The following MARF1 variants were observed in gnomAD, a reference collection of about 807,000 sequenced individuals.
MARF1 encodes the protein limkain-b1.
MARF1 carries 24 observed loss-of-function variants against 168.2 expected under a neutral mutation model. That is an observed-to-expected ratio of 0.14 (90% confidence interval 0.10 to 0.20). The LOEUF (loss-of-function observed/expected upper bound fraction) is 0.20, where lower values mean the gene tolerates loss of function less well. Ranked by LOEUF, MARF1 falls within the 10% of genes least tolerant of loss-of-function variation. MARF1 has a pLI of 1.00. For synonymous variants in MARF1, 868 were observed against 822.4 expected (o/e 1.06, Z -0.95); for missense variants, 1,744 against 2,143.6 (o/e 0.81, Z 3.68).
intron 7 of MARF1, 97 bp downstream of exon 7, chr16:15,630,235 G>GCC (rs2151257387): frequency 9.0e-7 from 1 of 1,109,156 alleles, no homozygotes; most frequent in African/African-American, 1.6e-5. Flanking sequence ...ACAAAGAACA[G>GCC]CCCCATCTGG....
At chr16:15,641,475 C>A (rs2035954995) in intron 1 of MARF1, among the ~76,000 whole-genome samples, 1 of 152,200 alleles carries the variant, frequency 6.6e-6, no homozygotes, top group Admixed American at 6.5e-5. Context: ...AAGCCAAATC[C>A]TGAAAGTGAG....
chr16:15,640,293 GT>G (rs1378116498), intron 1 of MARF1, among the ~76,000 whole-genome samples: 1 of 152,168 alleles, frequency 6.6e-6, no homozygotes, highest in African/African-American at 2.4e-5. Context: ...CAATTTCTTA[GT>G]TTACTAATGA....
At chr16:15,611,373 G>C (rs551384533) in intron 18 of MARF1, among the ~76,000 whole-genome samples, 1 of 150,804 alleles carries the variant, frequency 6.6e-6, no homozygotes, top group African/African-American at 2.4e-5. Flanking sequence ...GCAGGACAAC[G>C]GCATAAACCC....
rs2035160080 is a variant in MARF1, at chr16:15,630,260, T to A, written c.1524+72A>T. 3 of 1,436,890 alleles carry A rather than the reference T, an allele frequency of 2.1e-6. No homozygotes were observed. In the African/African-American group the frequency reaches 4.2e-5, roughly 20 times the overall value. The allele number at this position is 1,436,890 out of a possible 1,614,324, so 89.0% of individuals were successfully genotyped here. ...GCCCCATCTGGGCCTGGCAACCCCC[T>A]TATTATGGGCTGTCTTTCAGCCTCC... On this transcript the variant is annotated intron_variant, in intron 7 of 26. Transcript: ENST00000396368.
rs991941796 is a variant in MARF1, at chr16:15,595,538, A to T, written c.*1155T>A. On this transcript the variant is annotated 3_prime_UTR_variant, in exon 27 of 27. Transcript: ENST00000396368. ...GTCAGCGGACACCTCAGGCACCTAG[A>T]GAGGAAGGCCATTCCACACCAGACG... 6.5e-6 allele frequency: 1 copy of T among 152,676 alleles called. No homozygotes were observed. The highest frequency in any genetic ancestry group is 2.4e-5 in the African/African-American group (1 of 41,450). The allele number at this position is 152,676 out of a possible 1,614,324, so 9.5% of individuals were successfully genotyped here. A position where few individuals can be genotyped will look rare whatever the true frequency, so the allele number is the denominator to read the frequency against.
chr16:15,621,686 T>C (rs771245862), intron 12 of MARF1, 47 bp downstream of exon 12: 5 of 1,555,608 alleles, frequency 3.2e-6, no homozygotes, highest in Middle Eastern at 1.7e-4. Context: ...AAATTGTTTC[T>C]GGGTCAAATG....
intron 6 of MARF1, 126 bp downstream of exon 6, chr16:15,631,255 C>A (rs1263834387): frequency 3.2e-6 from 2 of 618,178 alleles, no homozygotes; most frequent in East Asian, 5.6e-5. Context: ...TCAACAATAA[C>A]CATAAACATG....
chr16:15,611,530 T>C, intron 18 of MARF1, 62 bp downstream of exon 18: 4 of 1,466,032 alleles, frequency 2.7e-6, no homozygotes, highest in Non-Finnish European at 2.8e-6. Context: ...TATTTAGAGT[T>C]TGGCAGAAGA....
chr16:15,640,393 C>T (rs1185564209), intron 1 of MARF1, among the ~76,000 whole-genome samples: 2 of 152,208 alleles, frequency 1.3e-5, no homozygotes, highest in African/African-American at 4.8e-5. Flanking sequence ...AGAGCAACAA[C>T]ACTCTTACAG....
In MARF1 at chr16:15,600,412, G is replaced by C; in HGVS notation, c.4813+16C>G. 1.2e-6 allele frequency: 2 copies of C among 1,614,048 alleles called. No homozygotes were observed. The highest frequency in any genetic ancestry group is 4.5e-5 in the East Asian group (2 of 44,878). On this transcript the variant is annotated intron_variant, in intron 25 of 26. Coordinates refer to ENST00000396368, the MANE Select transcript of MARF1 (RefSeq NM_014647.4). Reference sequence around the variant, plus strand: ...GAATTTCACAAGCTCCTATGTCTCTGCTTTTCCTCTCTTACCACTGCCGTC... The same window carrying C: ...GAATTTCACAAGCTCCTATGTCTCTCCTTTTCCTCTCTTACCACTGCCGTC...
In MARF1 at chr16:15,595,395, T is replaced by C. The variant is rs2031579429; in HGVS notation, c.*1298A>G. On this transcript the variant is annotated 3_prime_UTR_variant, in exon 27 of 27. Coordinates refer to ENST00000396368, the MANE Select transcript of MARF1 (RefSeq NM_014647.4). ...TCCCCAAAAGAAACCATCTAACTAG[T>C]GGAAGACCTTACGCCAACAGGTTCT... is the stretch of plus-strand genomic sequence containing the variant. The C allele has an allele frequency of 1.3e-5, 2 of 152,638 alleles. No individual in the cohort carries two copies. Among genetic ancestry groups the C allele is most frequent in the African/African-American group, 4.8e-5 (2 of 41,462 alleles). 9.5% of individuals were successfully genotyped at this position (152,638 alleles called of 1,614,324 possible). A position where few individuals can be genotyped will look rare whatever the true frequency, so the allele number is the denominator to read the frequency against.
chr16:15,641,641 CTT>C (rs999931442), intron 1 of MARF1, among the ~76,000 whole-genome samples: 5 of 152,152 alleles, frequency 3.3e-5, no homozygotes, highest in African/African-American at 1.2e-4. Context: ...GTGGGATCCT[CTT>C]ATATAATTTT....
At chr16:15,597,810 C>G (rs1283419698) in intron 26 of MARF1, among the ~76,000 whole-genome samples, 1 of 152,246 alleles carries the variant, frequency 6.6e-6, no homozygotes, top group Non-Finnish European at 1.5e-5. Flanking sequence ...CACAAACGAG[C>G]TAACATCAAT....
intron 19 of MARF1, 52 bp downstream of exon 19, chr16:15,610,923 T>G: frequency 3.1e-5 from 48 of 1,570,788 alleles, no homozygotes; most frequent in Non-Finnish European, 4.2e-5. Context: ...CACACTATGT[T>G]AAAATAACAG....
At position 15,623,863 on chromosome 16, in the gene MARF1, T is replaced by C. The variant is rs149042057; in HGVS notation, c.2271-740A>G. On this transcript the variant is annotated intron_variant, in intron 10 of 26. Coordinates refer to ENST00000396368, the MANE Select transcript of MARF1 (RefSeq NM_014647.4). The stretch of plus-strand genomic sequence containing the variant: ...TTCTTTCTGCACATAAGGAAAACTT[T>C]TATGTGGCTTTTTAGATGTAATTTT... 2.6e-3 allele frequency among the ~76,000 whole-genome samples: 400 copies of C among 152,278 alleles called. 1 individual carries two copies. The highest frequency in any genetic ancestry group is 6.8e-3 in the Middle Eastern group (2 of 294).
In MARF1 at chr16:15,596,559, A is replaced by C; in HGVS notation, c.*134T>G. The C allele has an allele frequency of 1.3e-6, 1 of 785,980 alleles. No homozygotes were observed. The highest frequency in any genetic ancestry group is 1.9e-6 in the Non-Finnish European group (1 of 528,544). The allele number at this position is 785,980 out of a possible 1,614,324, so 48.7% of individuals were successfully genotyped here. On this transcript the variant is annotated 3_prime_UTR_variant, in exon 27 of 27. Transcript: ENST00000396368. The stretch of plus-strand genomic sequence containing the variant: ...GTTCAATGGAAAAGAAAAACATGAT[A>C]GAACACAGGTAAGATGAAGTCAATG...
chr16:15,599,169 A>AAC (rs1555519150), intron 25 of MARF1, 145 bp from the exon 26 acceptor site: 5 of 790,918 alleles, frequency 6.3e-6, no homozygotes, highest in African/African-American at 5.6e-5. Context: ...AAAAAAAAAA[A>AAC]AAAAAACAAA....
rs770383369 is a variant in MARF1, at chr16:15,636,025, G to C, written c.462C>G (p.Phe154Leu). The C allele has an allele frequency of 6.2e-7, 1 of 1,614,206 alleles. No individual in the cohort carries two copies. The highest frequency in any genetic ancestry group is 1.1e-5 in the South Asian group (1 of 91,084). The change falls in exon 3 of 27, where the codon TTC becomes TTG. Residue 154 changes from phenylalanine to leucine, a missense_variant. By Grantham distance (22) the Phe-to-Leu change is conservative (BLOSUM62 0). Coordinates refer to ENST00000396368, the MANE Select transcript of MARF1 (RefSeq NM_014647.4). ...CATTCTGGAGTGAAGATGCAGACTG[G>C]AAAGCAAACCCTGACCCTACCTGAC... ...ITCQVGSGFAFQSASSLQNAS... is the reference protein window; with the variant it reads ...ITCQVGSGFALQSASSLQNAS...
chr16:15,634,449 T>C (rs904687086), intron 4 of MARF1, among the ~76,000 whole-genome samples: 2 of 152,236 alleles, frequency 1.3e-5, no homozygotes, highest in African/African-American at 2.4e-5. Context: ...CTAGGGAGTA[T>C]ACCATCAACA....
Sources: gnomAD v4.1 joint callset for allele counts (sites outside exome capture counted in the v4.1 genomes callset) on GRCh38, gnomAD v4.1.1 for gene constraint, MANE v1.5 for transcripts, NCBI Gene and HGNC (gene_info 2026-07-23, HGNC 2026-07-21) for gene names.